ADCYAP1R1: variants seen among roughly 807,000 people sequenced by gnomAD.
The protein encoded by ADCYAP1R1 is pituitary adenylate cyclase-activating polypeptide type I receptor.
Under a neutral mutation model 67.6 loss-of-function variants are expected in ADCYAP1R1, and 44 were observed. The ratio of observed to expected loss-of-function variants is 0.65; its 90% confidence interval spans 0.51 to 0.84. ADCYAP1R1 has a LOEUF of 0.84. ADCYAP1R1 is among the 40% of genes least tolerant of loss of function. The pLI is 0.00. For missense variants in ADCYAP1R1, 477 were observed against 587.9 expected (o/e 0.81, Z 1.95); for synonymous variants, 222 against 219.6 (o/e 1.01, Z -0.10).
rs550103455 is a variant in ADCYAP1R1 at position 31,085,119 on chromosome 7, G to C, written c.537-191G>C. On this transcript the variant is annotated intron_variant, in intron 8 of 15. Coordinates refer to ENST00000304166, the MANE Select transcript of ADCYAP1R1 (RefSeq NM_001118.5). ...ACAGGAGGGAGAAGTCTGGCCATGTGGGGTGGTGGAGCTGGGTTATAGGGG... is the reference window on the plus strand; with the variant it reads ...ACAGGAGGGAGAAGTCTGGCCATGTCGGGTGGTGGAGCTGGGTTATAGGGG... Among the ~76,000 whole-genome samples the C allele has an allele frequency of 6.6e-4, 100 of 152,330 alleles. 1 individual carries two copies. In the South Asian group the frequency reaches 0.018, roughly 28 times the overall value.
At chr7:31,099,361 A>G (rs533560534) in intron 13 of ADCYAP1R1, among the ~76,000 whole-genome samples, 2 of 152,196 alleles carry the variant, frequency 1.3e-5, no homozygotes, top group Non-Finnish European at 2.9e-5. Context: ...TATGATAACC[A>G]CTAGCTCCAT....
At chr7:31,065,434 C>T (rs988163531) in intron 3 of ADCYAP1R1, among the ~76,000 whole-genome samples, 1 of 152,194 alleles carries the variant, frequency 6.6e-6, no homozygotes, top group Non-Finnish European at 1.5e-5. Context: ...TCTCCTGGGG[C>T]TGCCTTTGAG....
chr7:31,057,026 G>A (rs1358348040), intron 1 of ADCYAP1R1: 1 of 152,258 alleles, frequency 6.6e-6, no homozygotes, highest in Non-Finnish European at 1.5e-5. Flanking sequence ...AGGAGAGGCT[G>A]AAGCTTAACC....
chr7:31,084,835 G>A lies in ADCYAP1R1; in HGVS notation c.536+1G>A, dbSNP rs768663248. The A allele has an allele frequency of 3.7e-6, 6 of 1,613,890 alleles. No homozygotes were observed. Among genetic ancestry groups the A allele is most frequent in the Non-Finnish European group, 5.1e-6 (6 of 1,179,778 alleles). On this transcript the variant is annotated splice_donor_variant, in intron 8 of 15. Transcript: ENST00000304166. LOFTEE classifies it high-confidence loss of function. ...CCATGGTCATCCTTTGTCGCTTCCG[G>A]TGAGACCCTCAGCAACATTCAAGCA...
chr7:31,058,106 A>C (rs1794334028), intron 1 of ADCYAP1R1, among the ~76,000 whole-genome samples: 2 of 152,192 alleles, frequency 1.3e-5, no homozygotes, highest in Non-Finnish European at 1.5e-5. Flanking sequence ...GGGCACAGGG[A>C]CATCAGAGCT....
intron 1 of ADCYAP1R1, among the ~76,000 whole-genome samples, chr7:31,060,861 GT>G (rs1794472836): frequency 6.6e-6 from 1 of 152,296 alleles, no homozygotes; most frequent in South Asian, 2.1e-4. Context: ...TCTAATAAAG[GT>G]TAAAATAGAG....
chr7:31,097,310 A>T (rs1390771842), intron 13 of ADCYAP1R1, among the ~76,000 whole-genome samples: 1 of 152,236 alleles, frequency 6.6e-6, no homozygotes, highest in African/African-American at 2.4e-5. Context: ...CAGTCAGTCT[A>T]GGTTCATCCC....
At chr7:31,099,346 T>C (rs980567301) in intron 13 of ADCYAP1R1, among the ~76,000 whole-genome samples, 1 of 152,220 alleles carries the variant, frequency 6.6e-6, no homozygotes, top group Admixed American at 6.5e-5. Flanking sequence ...GTCTGTGCTG[T>C]CCGATATGAT....
In ADCYAP1R1 at chr7:31,055,757, A is replaced by G. The variant is rs552629741; in HGVS notation, c.-72+3079A>G. 5.3e-5 allele frequency among the ~76,000 whole-genome samples: 8 copies of G among 152,172 alleles called. 1 individual carries two copies. Among genetic ancestry groups the G allele is most frequent in the African/African-American group, 1.9e-4 (8 of 41,450 alleles). On this transcript the variant is annotated intron_variant, in intron 1 of 15. Coordinates refer to ENST00000304166, the MANE Select transcript of ADCYAP1R1 (RefSeq NM_001118.5). ...AATGGTCAGAGAGGTTGACAAAGGG[A>G]GGGGCTTAGCTCTGATAGCTGCAGA... is the stretch of plus-strand genomic sequence containing the variant.
At chr7:31,064,799 G>A (rs780227418) in intron 2 of ADCYAP1R1, 32 bp from the exon 3 acceptor site, 85 of 1,564,476 alleles carry the variant, frequency 5.4e-5, no homozygotes, top group Non-Finnish European at 7.1e-5. Context: ...CCTCCTACCC[G>A]CTCCCACCAT....
chr7:31,055,438 T>G (rs1464525071), intron 1 of ADCYAP1R1, among the ~76,000 whole-genome samples: 2 of 152,194 alleles, frequency 1.3e-5, no homozygotes, highest in Non-Finnish European at 2.9e-5. Context: ...TATTTTACGC[T>G]TGTGTCCATA....
chr7:31,096,709 T>C (rs909711988), intron 13 of ADCYAP1R1, among the ~76,000 whole-genome samples: 1 of 152,094 alleles, frequency 6.6e-6, no homozygotes, highest in African/African-American at 2.4e-5. Context: ...CCAGGATCTG[T>C]GAGCTGTGCT....
At chr7:31,076,573 C>G (rs569511132) in intron 3 of ADCYAP1R1, among the ~76,000 whole-genome samples, 1 of 152,216 alleles carries the variant, frequency 6.6e-6, no homozygotes, top group Non-Finnish European at 1.5e-5. Flanking sequence ...CCCTTCCTCT[C>G]CATCAGTCTG....
At chr7:31,062,983 G>A (rs1194811761) in intron 1 of ADCYAP1R1, among the ~76,000 whole-genome samples, 2 of 152,236 alleles carry the variant, frequency 1.3e-5, no homozygotes, top group Non-Finnish European at 2.9e-5. Context: ...TGTGCCCACA[G>A]TATCGCCAGC....
rs1366095496 is a variant in ADCYAP1R1, at chr7:31,084,158, C to T, written c.346C>T (p.Arg116Trp). 3 of 1,614,116 alleles carry T rather than the reference C, an allele frequency of 1.9e-6. No homozygotes were observed. Among genetic ancestry groups the T allele is most frequent in the Non-Finnish European group, 1.7e-6 (2 of 1,180,018 alleles). Residue 116 changes from arginine (R) to tryptophan (W), a missense_variant, in exon 7 of 16, where the codon CGG becomes TGG. Physicochemically the swap from Arg to Trp is moderately radical, Grantham distance 101. Transcript: ENST00000304166. ...LDLSDMGVVS[R>W]NCTEDGWSEP... ...TGCTGCAGACATGGGAGTGGTGAGC[C>T]GGAACTGCACGGAGGATGGCTGGTC...
In ADCYAP1R1 at chr7:31,086,369, C is replaced by A; in HGVS notation, c.670-15C>A. The stretch of plus-strand genomic sequence containing the variant: ...GTTGGGCTCACGCCCCTCACCCTGG[C>A]GCTTCTCCCTGCAGGTGGAATGTAA... On this transcript the variant is annotated splice_polypyrimidine_tract_variant and intron_variant, in intron 9 of 15. Coordinates refer to ENST00000304166, the MANE Select transcript of ADCYAP1R1 (RefSeq NM_001118.5). This position sits in a 1 kb window ranked among gnomAD's most constrained non-coding sequence, Gnocchi z 5.0. The A allele has an allele frequency of 2.5e-6, 4 of 1,612,648 alleles. No individual in the cohort carries two copies. The highest frequency in any genetic ancestry group is 3.4e-6 in the Non-Finnish European group (4 of 1,179,568).
chr7:31,064,486 TCTCC>T (rs1794648089), intron 2 of ADCYAP1R1, among the ~76,000 whole-genome samples: 1 of 152,192 alleles, frequency 6.6e-6, no homozygotes, highest in South Asian at 2.1e-4. Flanking sequence ...TTCATAGTAC[TCTCC>T]AGATCCATAC....
At chr7:31,105,546 C>T (rs1562660784) in intron 15 of ADCYAP1R1, among the ~76,000 whole-genome samples, 2 of 152,168 alleles carry the variant, frequency 1.3e-5, no homozygotes, top group South Asian at 2.1e-4. Flanking sequence ...GCTGGGGCAG[C>T]GGTGGGGACT....
In ADCYAP1R1 at chr7:31,109,904, A is replaced by G. The variant is rs1052792116; in HGVS notation, c.*3220A>G. ...AAGTCCAAGTCACATTGTCTATCCC[A>G]GTGTGTAGCTCTGTCACCCTGCTTG... On this transcript the variant is annotated 3_prime_UTR_variant, in exon 16 of 16. Coordinates refer to ENST00000304166, the MANE Select transcript of ADCYAP1R1 (RefSeq NM_001118.5). 6.6e-6 allele frequency: 1 copy of G among 152,076 alleles called. No individual in the cohort carries two copies. Among genetic ancestry groups the G allele is most frequent in the African/African-American group, 2.4e-5 (1 of 41,372 alleles). 9.4% of individuals were successfully genotyped at this position (152,076 alleles called of 1,614,324 possible).
Sources: gnomAD v4.1 joint callset for allele counts (sites outside exome capture counted in the v4.1 genomes callset) on GRCh38, gnomAD v4.1.1 for gene constraint, Gnocchi (gnomAD v3.1) non-coding constraint, MANE v1.5 for transcripts, NCBI Gene and HGNC (gene_info 2026-07-23, HGNC 2026-07-21) for gene names.